PDE11A: variants seen among roughly 807,000 people sequenced by gnomAD.
PDE11A encodes dual 3',5'-cyclic-AMP and -GMP phosphodiesterase 11A.
In PDE11A, 100 loss-of-function variants were observed where a neutral mutation model predicts 100.5. The observed-to-expected ratio is 1.00, with a 90% confidence interval of 0.85 to 1.18. PDE11A has a LOEUF of 1.18. PDE11A is among the 50% of genes most tolerant of loss of function. The pLI, the probability that PDE11A is intolerant of heterozygous loss-of-function variation, is 0.00. For missense variants in PDE11A, 1,141 were observed against 1,152.6 expected, an observed-to-expected ratio of 0.99 and a Z score of 0.15; for synonymous variants, 381 against 420.8, an observed-to-expected ratio of 0.91 and a Z score of 1.16.
intron 1 of PDE11A, among the ~76,000 whole-genome samples, chr2:178,036,307 C>A (rs2086613160): frequency 6.6e-6 from 1 of 152,042 alleles, no homozygotes; most frequent in South Asian, 2.1e-4. Flanking sequence ...CCTAGGAATA[C>A]AACTTAAAGG....
intron 13 of PDE11A, among the ~76,000 whole-genome samples, chr2:177,708,025 C>T (rs1316843833): frequency 1.3e-5 from 2 of 152,074 alleles, no homozygotes; most frequent in East Asian, 3.9e-4. Context: ...TACCATTGGC[C>T]TGGGGGAGAG....
intron 1 of PDE11A, among the ~76,000 whole-genome samples, chr2:178,105,477 C>T (rs1183824137): frequency 6.6e-6 from 1 of 152,004 alleles, no homozygotes; most frequent in East Asian, 1.9e-4. Context: ...AAAACAAAAA[C>T]AAAAACCTTA....
At chr2:178,044,416 T>A (rs886587521) in intron 1 of PDE11A, among the ~76,000 whole-genome samples, 24 of 148,440 alleles carry the variant, frequency 1.6e-4, no homozygotes, top group African/African-American at 5.6e-4. Context: ...TATATAAACT[T>A]TATATATATG....
intron 9 of PDE11A, among the ~76,000 whole-genome samples, chr2:177,798,100 T>G (rs145917059): frequency 1.9e-4 from 29 of 152,306 alleles, no homozygotes; most frequent in African/African-American, 6.7e-4. Context: ...GCTACTTCAG[T>G]TCTCCCTACT....
At chr2:177,739,615 CA>C (rs2081843501) in intron 10 of PDE11A, among the ~76,000 whole-genome samples, 1 of 152,190 alleles carries the variant, frequency 6.6e-6, no homozygotes, top group Non-Finnish European at 1.5e-5. Flanking sequence ...TCCTGTGCAT[CA>C]AAAAGTATCG....
At chr2:177,921,392 TG>T (rs2085042777) in intron 2 of PDE11A, among the ~76,000 whole-genome samples, 1 of 151,632 alleles carries the variant, frequency 6.6e-6, no homozygotes, top group African/African-American at 2.4e-5. Flanking sequence ...ATTTCCTATT[TG>T]CACTACTAGT....
chr2:177,886,651 A>C (rs1558991878), intron 4 of PDE11A, among the ~76,000 whole-genome samples: 1 of 152,240 alleles, frequency 6.6e-6, no homozygotes, highest in Non-Finnish European at 1.5e-5. Context: ...AATAGAAATA[A>C]AACTTACTTT....
In PDE11A at chr2:177,985,645, A is replaced by T. The variant is rs1166557346; in HGVS notation, c.1071+28657T>A. On this transcript the variant is annotated intron_variant, in intron 2 of 19. Transcript: ENST00000286063. ...AATTCTGAACTCAACGTTAAGAAACACTATTTTCATCCAAACTTTGCACTG... is the reference window on the plus strand; with the variant it reads ...AATTCTGAACTCAACGTTAAGAAACTCTATTTTCATCCAAACTTTGCACTG... 3.3e-5 allele frequency among the ~76,000 whole-genome samples: 5 copies of T among 152,270 alleles called. 1 individual carries two copies. The highest frequency in any genetic ancestry group is 1.2e-4 in the African/African-American group (5 of 41,472).
chr2:178,096,475 C>T (rs1398949298), intron 2 of PDE11A, among the ~76,000 whole-genome samples: 2 of 151,892 alleles, frequency 1.3e-5, no homozygotes, highest in African/African-American at 2.4e-5. Context: ...GCCTGGCCCA[C>T]GTTTTTCTTT....
intron 16 of PDE11A, among the ~76,000 whole-genome samples, chr2:177,678,961 C>T (rs7600557): frequency 0.026 from 3,902 of 149,694 alleles, 171 homozygotes; most frequent in African/African-American, 0.088. Context: ...CCTTGGGGGA[C>T]AGTTCTGTTT....
rs2087150427 is a variant in PDE11A, at chr2:178,072,532, A to G, written c.-95T>C. 1.3e-6 allele frequency: 2 copies of G among 1,567,734 alleles called. No individual in the cohort carries two copies. The stretch of plus-strand genomic sequence containing the variant: ...GTTCCTGCACATGTTCACCCCCACC[A>G]GTATTCCCAGTTCAGCGCCACCTCC... On this transcript the variant is annotated 5_prime_UTR_variant, in exon 1 of 20. Transcript: ENST00000286063.
At chr2:177,913,326 T>G (rs1205140689) in intron 2 of PDE11A, among the ~76,000 whole-genome samples, 1 of 152,164 alleles carries the variant, frequency 6.6e-6, no homozygotes, top group Non-Finnish European at 1.5e-5. Context: ...CTTACTTTAT[T>G]CAACACACAA....
At chr2:177,802,151 C>T (rs2082804109) in intron 9 of PDE11A, among the ~76,000 whole-genome samples, 1 of 151,876 alleles carries the variant, frequency 6.6e-6, no homozygotes, top group Non-Finnish European at 1.5e-5. Context: ...AAATTAAAGC[C>T]ACAATAGAAT....
At chr2:178,087,373 TGTC>T (rs1177974289) in intron 2 of PDE11A, among the ~76,000 whole-genome samples, 1 of 147,558 alleles carries the variant, frequency 6.8e-6, no homozygotes, top group Admixed American at 6.8e-5. Flanking sequence ...AAAAAGAAAA[TGTC>T]GTATATATAC....
intron 2 of PDE11A, among the ~76,000 whole-genome samples, chr2:178,079,945 C>G (rs2087262489): frequency 6.6e-6 from 1 of 152,268 alleles, no homozygotes; most frequent in East Asian, 1.9e-4. Flanking sequence ...TGAATGTCTT[C>G]TTTTGAGAAG....
At chr2:178,053,005 C>T (rs757435755) in intron 1 of PDE11A, among the ~76,000 whole-genome samples, 1 of 152,208 alleles carries the variant, frequency 6.6e-6, no homozygotes, top group Non-Finnish European at 1.5e-5. Context: ...TCCTCCCTAA[C>T]TCATTTTATG....
chr2:177,700,405 A>C (rs1041301758), intron 14 of PDE11A, among the ~76,000 whole-genome samples: 1,202 of 27,070 alleles, frequency 0.044, 12 homozygotes, highest in East Asian at 0.33. Flanking sequence ...CTGGCCTCAA[A>C]AAAAAAAAAA....
chr2:177,787,950 C>T (rs1278825733), intron 9 of PDE11A, among the ~76,000 whole-genome samples: 1 of 152,040 alleles, frequency 6.6e-6, no homozygotes, highest in Non-Finnish European at 1.5e-5. Flanking sequence ...GAGACTTTAA[C>T]ACCCCACTGT....
chr2:177,885,456 C>G (rs2084416242), intron 4 of PDE11A, among the ~76,000 whole-genome samples: 1 of 152,098 alleles, frequency 6.6e-6, no homozygotes, highest in Admixed American at 6.5e-5. Context: ...CAATACCCAA[C>G]AGATACTGAG....
Sources: allele counts gnomAD v4.1 joint callset (sites outside exome capture counted in the v4.1 genomes callset), GRCh38; gene constraint gnomAD v4.1.1; transcripts MANE v1.5; gene names NCBI Gene and HGNC (gene_info 2026-07-23, HGNC 2026-07-21).